The following TMEM39A variants were observed in gnomAD, a reference collection of about 807,000 sequenced individuals.
The protein encoded by TMEM39A is transmembrane protein 39A, also known as suppressor of SQST-1 aggregates in rpl-43 mutants.
TMEM39A carries 19 observed loss-of-function variants against 51.9 expected under a neutral mutation model. The observed-to-expected ratio is 0.37, with a 90% CI of 0.26 to 0.54. TMEM39A has a LOEUF of 0.54. TMEM39A is among the 20% of genes least tolerant of loss of function. The probability of loss-of-function intolerance (pLI) is 0.88; values close to 1 mark genes in which losing one functional copy is unlikely to be tolerated. For missense variants in TMEM39A, 433 were observed against 590.5 expected, an observed-to-expected ratio of 0.73 and a Z score of 2.76; for synonymous variants, 197 against 220.2, an observed-to-expected ratio of 0.89 and a Z score of 0.93.
Position 119,436,945 on chromosome 3 carries a change from C to T in TMEM39A, c.958G>A (p.Glu320Lys), listed in dbSNP as rs765571355. The stretch of plus-strand genomic sequence containing the variant: ...TTGATCCACACCATAATGAGGTGCT[C>T]ACATGACCAGCGCATGTCATAGTAC... ...TQYYDMRWSC[E>K]HLIMVWINAF... The change falls in exon 7 of 9, where the codon GAG becomes AAG. Residue 320 changes from glutamate to lysine, a missense_variant. By Grantham distance (56) the Glu-to-Lys change is moderately conservative (BLOSUM62 1). Coordinates refer to ENST00000319172, the MANE Select transcript of TMEM39A (RefSeq NM_018266.3). 6.2e-7 allele frequency: 1 copy of T among 1,613,834 alleles called. No individual in the cohort carries two copies. The highest frequency in any genetic ancestry group is 2.2e-5 in the East Asian group (1 of 44,874).
At chr3:119,457,488 T>A (rs1223874291) in intron 3 of TMEM39A, among the ~76,000 whole-genome samples, 1 of 152,178 alleles carries the variant, frequency 6.6e-6, no homozygotes, top group Non-Finnish European at 1.5e-5. Context: ...TAAGAAACTG[T>A]CCTTTACATT....
At chr3:119,445,074 T>C (rs908089281) in intron 5 of TMEM39A, among the ~76,000 whole-genome samples, 4 of 151,212 alleles carry the variant, frequency 2.6e-5, no homozygotes, top group African/African-American at 7.3e-5. Context: ...AGCAAAACCC[T>C]GTCTCAAAAA....
rs757157729 is a variant in TMEM39A, at chr3:119,429,025, C to T, written c.*2956G>A. Among the ~76,000 whole-genome samples the T allele has an allele frequency of 1.4e-4, 22 of 152,066 alleles. No homozygotes were observed. Among genetic ancestry groups the T allele is most frequent in the African/African-American group, 2.4e-4 (10 of 41,424 alleles). Reference sequence around the variant, plus strand: ...TTGTTAATAGATCTGATATCTATTACGTATCTCATACATATTTCTGTTAAT... The same window carrying T: ...TTGTTAATAGATCTGATATCTATTATGTATCTCATACATATTTCTGTTAAT... On this transcript the variant is annotated 3_prime_UTR_variant, in exon 9 of 9. Transcript: ENST00000319172.
At position 119,432,138 on chromosome 3, in the gene TMEM39A, T is replaced by C. The variant is rs193211092; in HGVS notation, c.1310A>G (p.Tyr437Cys). Residue 437 changes from tyrosine (Y) to cysteine (C), a missense_variant, in exon 9 of 9, where the codon TAT becomes TGT. Transcript: ENST00000319172. ...CCACTTCTCCGACCGCAGCAAGGAA[T>C]AGAGCTGATAGAAGACGACACTGCC... ...IEGSVVFYQL[Y>C]SLLRSEKWNH... is the part of the protein sequence containing the mutation. 49 of 1,613,300 alleles carry C rather than the reference T, an allele frequency of 3.0e-5. No individual in the cohort carries two copies. Among genetic ancestry groups the C allele is most frequent in the African/African-American group, 5.3e-5 (4 of 74,978 alleles).
rs1186194803 is a variant in TMEM39A, at chr3:119,430,036, A to C, written c.*1945T>G. 1.3e-5 allele frequency: 2 copies of C among 152,128 alleles called. No homozygotes were observed. Among genetic ancestry groups the C allele is most frequent in the Non-Finnish European group, 2.9e-5 (2 of 67,998 alleles). The allele number at this position is 152,128 out of a possible 1,614,324, so 9.4% of individuals were successfully genotyped here. A position where few individuals can be genotyped will look rare whatever the true frequency, so the allele number is the denominator to read the frequency against. On this transcript the variant is annotated 3_prime_UTR_variant, in exon 9 of 9. Transcript: ENST00000319172. The stretch of plus-strand genomic sequence containing the variant: ...CTCTCAACTGCTGAGTAATCTCATG[A>C]AAATGTTGCTGCCAAGAGAAGCATA...
chr3:119,443,135 G>A (rs7430156), intron 5 of TMEM39A, among the ~76,000 whole-genome samples: 91,146 of 150,306 alleles, frequency 0.61, 27,924 homozygotes, highest in East Asian at 0.79. Context: ...AAACTTAAAC[G>A]GATAAGGAGC....
rs775244716 is a variant in TMEM39A at position 119,431,970 on chromosome 3, T to A, written c.*11A>T. The A allele has an allele frequency of 1.9e-6, 3 of 1,539,748 alleles. No homozygotes were observed. Among genetic ancestry groups the A allele is most frequent in the Non-Finnish European group, 1.8e-6 (2 of 1,130,790 alleles). ...TTTTATCTGAGTTCTCCCTCATTGT[T>A]GAGAGGCAGCTTAGTTTGCCTTGAG... On this transcript the variant is annotated 3_prime_UTR_variant, in exon 9 of 9. Transcript: ENST00000319172.
chr3:119,457,359 T>C (rs1445570789), intron 3 of TMEM39A, among the ~76,000 whole-genome samples: 2 of 152,194 alleles, frequency 1.3e-5, no homozygotes, highest in African/African-American at 4.8e-5. Flanking sequence ...AATTTCTCAA[T>C]TTCACTTCCC....
intron 5 of TMEM39A, among the ~76,000 whole-genome samples, chr3:119,442,632 G>C (rs191170012): frequency 9.8e-5 from 15 of 152,336 alleles, no homozygotes; most frequent in African/African-American, 3.6e-4. Context: ...TTTATGAGAG[G>C]AGGTCAAAAT....
intron 5 of TMEM39A, among the ~76,000 whole-genome samples, chr3:119,446,468 A>G (rs1486086765): frequency 6.6e-6 from 1 of 152,218 alleles, no homozygotes; most frequent in Non-Finnish European, 1.5e-5. Context: ...GAGAAATTTC[A>G]CCATACTACT....
chr3:119,452,146 T>C (rs1478346979), intron 4 of TMEM39A, among the ~76,000 whole-genome samples: 1 of 152,238 alleles, frequency 6.6e-6, no homozygotes, highest in Non-Finnish European at 1.5e-5. Flanking sequence ...TTCGTATTAA[T>C]AGTTACCTGA....
intron 2 of TMEM39A, among the ~76,000 whole-genome samples, chr3:119,461,719 C>T (rs1018551680): frequency 6.6e-6 from 1 of 152,118 alleles, no homozygotes; most frequent in African/African-American, 2.4e-5. Flanking sequence ...AAGGGGATAA[C>T]AAGAATTTAG....
At chr3:119,439,012 G>C (rs1368250258) in intron 5 of TMEM39A, among the ~76,000 whole-genome samples, 2 of 152,006 alleles carry the variant, frequency 1.3e-5, no homozygotes, top group Non-Finnish European at 2.9e-5. Context: ...CTCAGATAGT[G>C]GCTGTAACAC....
intron 5 of TMEM39A, among the ~76,000 whole-genome samples, chr3:119,439,678 C>G (rs1387350398): frequency 6.6e-6 from 1 of 151,732 alleles, no homozygotes; most frequent in Non-Finnish European, 1.5e-5. Context: ...ACTGATGTTA[C>G]TAATTAAGAA....
At chr3:119,441,830 CTT>C (rs922580834) in intron 5 of TMEM39A, among the ~76,000 whole-genome samples, 3 of 152,238 alleles carry the variant, frequency 2.0e-5, no homozygotes, top group Non-Finnish European at 4.4e-5. Context: ...AGCTGACTCT[CTT>C]GTTAGTGGCT....
intron 4 of TMEM39A, among the ~76,000 whole-genome samples, chr3:119,448,894 AC>A (rs2081162718): frequency 6.6e-6 from 1 of 152,204 alleles, no homozygotes; most frequent in Non-Finnish European, 1.5e-5. Context: ...CAGACCCTTT[AC>A]CAGGTCCTAG....
intron 1 of TMEM39A, 95 bp from the exon 2 acceptor site, chr3:119,462,243 T>C (rs946718866): frequency 1.7e-5 from 10 of 572,376 alleles, no homozygotes; most frequent in African/African-American, 1.7e-4. Context: ...CCTTACAAAA[T>C]AAGATTTTCA....
At chr3:119,463,166 A>T (rs2081362603) in intron 1 of TMEM39A, among the ~76,000 whole-genome samples, 170 bp downstream of exon 1, 1 of 152,226 alleles carries the variant, frequency 6.6e-6, no homozygotes, top group Non-Finnish European at 1.5e-5. Context: ...ACTGGGACGG[A>T]AGAGGTGAGA....
intron 5 of TMEM39A, among the ~76,000 whole-genome samples, chr3:119,440,147 G>C (rs2081031570): frequency 8.9e-6 from 1 of 111,958 alleles, no homozygotes; most frequent in Admixed American, 1.0e-4. Context: ...GTTCAATGCT[G>C]CCAAAACACA....
Sources: gnomAD v4.1 joint callset for allele counts (sites outside exome capture counted in the v4.1 genomes callset) on GRCh38, gnomAD v4.1.1 for gene constraint, MANE v1.5 for transcripts, NCBI Gene and HGNC (gene_info 2026-07-23, HGNC 2026-07-21) for gene names.